The following SVEP1 variants were observed in gnomAD, a reference collection of about 807,000 sequenced individuals.
SVEP1 encodes sushi, von Willebrand factor type A, EGF and pentraxin domain-containing protein 1.
Under a neutral mutation model 367.3 loss-of-function variants are expected in SVEP1, and 164 were observed. The ratio of observed to expected loss-of-function variants is 0.45; its 90% confidence interval spans 0.39 to 0.51. The LOEUF is 0.51. SVEP1 is among the 20% of genes least tolerant of loss of function. SVEP1 has a pLI of 0.00. For synonymous variants in SVEP1, 1,666 were observed against 1,611.6 expected (o/e 1.03, Z -0.81); for missense variants, 4,117 against 4,425.3 (o/e 0.93, Z 1.98).
At chr9:110,448,832 T>C (rs1465567766) in intron 24 of SVEP1, among the ~76,000 whole-genome samples, 1 of 152,238 alleles carries the variant, frequency 6.6e-6, no homozygotes, top group Non-Finnish European at 1.5e-5. Flanking sequence ...TGCTACATGA[T>C]AAGACCTCAT....
intron 40 of SVEP1, among the ~76,000 whole-genome samples, chr9:110,390,365 T>G (rs1156405290): frequency 0.026 from 378 of 14,448 alleles, no homozygotes; most frequent in African/African-American, 0.053. Context: ...ATATATATAC[T>G]TATATCTACT....
intron 5 of SVEP1, among the ~76,000 whole-genome samples, chr9:110,507,906 ATAAAT>A (rs751556283): frequency 1.3e-5 from 2 of 152,198 alleles, no homozygotes; most frequent in Non-Finnish European, 2.9e-5. Flanking sequence ...ATTACTGATA[ATAAAT>A]TAGAGTCGGT....
At chr9:110,368,184 G>A (rs1827226490) in intron 47 of SVEP1, among the ~76,000 whole-genome samples, 2 of 152,192 alleles carry the variant, frequency 1.3e-5, no homozygotes, top group South Asian at 4.1e-4. Context: ...TGGTGACATG[G>A]GAGGTGGAGA....
intron 47 of SVEP1, among the ~76,000 whole-genome samples, chr9:110,367,145 C>T (rs180791336): frequency 6.6e-6 from 1 of 152,292 alleles, no homozygotes; most frequent in East Asian, 1.9e-4. Context: ...ACTTTTGTGC[C>T]TGTACAAGGC....
chr9:110,486,536 T>C (rs1288656997), intron 9 of SVEP1, among the ~76,000 whole-genome samples: 1 of 152,082 alleles, frequency 6.6e-6, no homozygotes, highest in East Asian at 1.9e-4. Flanking sequence ...TCTTTCTCTC[T>C]CTCTCTCTGT....
intron 3 of SVEP1, 61 bp downstream of exon 3, chr9:110,546,054 C>T: frequency 1.3e-6 from 2 of 1,526,564 alleles, no homozygotes; most frequent in South Asian, 1.2e-5. Flanking sequence ...ATAGCCATTG[C>T]ATTTTAGAAT....
At chr9:110,465,646 T>C (rs944717874) in intron 18 of SVEP1, among the ~76,000 whole-genome samples, 2 of 152,242 alleles carry the variant, frequency 1.3e-5, no homozygotes, top group Non-Finnish European at 2.9e-5. Flanking sequence ...TTCTTTTGTG[T>C]TCCTAACCCA....
At chr9:110,469,442 A>C (rs1275960424) in intron 16 of SVEP1, among the ~76,000 whole-genome samples, 1 of 152,226 alleles carries the variant, frequency 6.6e-6, no homozygotes, top group African/African-American at 2.4e-5. Flanking sequence ...TGGAGAAAAA[A>C]GGAAAAAACA....
intron 1 of SVEP1, among the ~76,000 whole-genome samples, chr9:110,552,024 CTTTT>C (rs34366561): frequency 6.5e-5 from 5 of 77,002 alleles, no homozygotes; most frequent in African/African-American, 2.5e-4. Flanking sequence ...GGTACCCAAC[CTTTT>C]TTTTTTTTTT....
At position 110,390,161 on chromosome 9, in the gene SVEP1, A is replaced by G. The variant is rs997782409; in HGVS notation, c.9823-574T>C. On this transcript the variant is annotated intron_variant, in intron 40 of 47. Transcript: ENST00000374469. Reference sequence around the variant, plus strand: ...TATATATACAAGTATATACATACATACTTATATAAGTATGTATGTATATAT... The same window carrying G: ...TATATATACAAGTATATACATACATGCTTATATAAGTATGTATGTATATAT... Among the ~76,000 whole-genome samples the G allele has an allele frequency of 7.0e-5, 8 of 113,902 alleles. No individual in the cohort carries two copies. In the Admixed American group the frequency reaches 7.4e-4, roughly 11 times the overall value. The allele number at this position is 113,902 out of a possible 152,430, so 74.7% of individuals were successfully genotyped here.
intron 5 of SVEP1, among the ~76,000 whole-genome samples, chr9:110,510,632 G>A (rs1269428951): frequency 6.6e-6 from 1 of 152,190 alleles, no homozygotes; most frequent in African/African-American, 2.4e-5. Flanking sequence ...GATCAGACGC[G>A]AGGCTTGATT....
intron 5 of SVEP1, 75 bp downstream of exon 5, chr9:110,512,851 C>T: frequency 6.5e-7 from 1 of 1,534,554 alleles, no homozygotes; most frequent in Non-Finnish European, 9.0e-7. Context: ...GAAGAACTGA[C>T]TGGTTTACTA....
intron 12 of SVEP1, among the ~76,000 whole-genome samples, chr9:110,480,153 C>T (rs1198549450): frequency 6.6e-6 from 1 of 152,138 alleles, no homozygotes; most frequent in East Asian, 1.9e-4. Context: ...GGCATTGAAA[C>T]ATTTCTAAAT....
intron 3 of SVEP1, among the ~76,000 whole-genome samples, chr9:110,531,755 C>A (rs1056015314): frequency 1.8e-4 from 27 of 152,314 alleles, no homozygotes; most frequent in Middle Eastern, 3.4e-3. Context: ...TAAAAATCCA[C>A]AGTACCCTGA....
chr9:110,499,984 T>G (rs1829507624), intron 6 of SVEP1, among the ~76,000 whole-genome samples: 1 of 152,234 alleles, frequency 6.6e-6, no homozygotes, highest in Admixed American at 6.5e-5. Flanking sequence ...CCAGGCATTA[T>G]TCTAAGCACT....
intron 3 of SVEP1, among the ~76,000 whole-genome samples, chr9:110,539,318 T>C (rs1192858776): frequency 2.6e-5 from 4 of 152,104 alleles, no homozygotes; most frequent in Non-Finnish European, 5.9e-5. Context: ...TGCAGAAAAC[T>C]AGAATTAGTT....
intron 14 of SVEP1, among the ~76,000 whole-genome samples, chr9:110,474,294 C>A (rs1230033903): frequency 6.6e-6 from 1 of 152,154 alleles, no homozygotes; most frequent in Non-Finnish European, 1.5e-5. Flanking sequence ...GCCATCTTGC[C>A]TGGCCTAGTT....
At chr9:110,536,458 A>T (rs1424826078) in intron 3 of SVEP1, among the ~76,000 whole-genome samples, 1 of 152,064 alleles carries the variant, frequency 6.6e-6, no homozygotes, top group Non-Finnish European at 1.5e-5. Flanking sequence ...TCATTTTAAA[A>T]GAACCAATTT....
chr9:110,532,524 C>A (rs562706538), intron 3 of SVEP1, among the ~76,000 whole-genome samples: 1 of 152,140 alleles, frequency 6.6e-6, no homozygotes, highest in Middle Eastern at 3.2e-3. Context: ...GAGTCACTAG[C>A]AGCTTGGGGT....
Sources: allele counts gnomAD v4.1 joint callset (sites outside exome capture counted in the v4.1 genomes callset), GRCh38; gene constraint gnomAD v4.1.1; transcripts MANE v1.5; gene names NCBI Gene and HGNC (gene_info 2026-07-23, HGNC 2026-07-21).